IL1RAPL2: variants seen among roughly 807,000 people sequenced by gnomAD.
The protein encoded by IL1RAPL2 is X-linked interleukin-1 receptor accessory protein-like 2.
IL1RAPL2 carries 3 observed loss-of-function variants against 44.1 expected under a neutral mutation model. The observed-to-expected ratio is 0.07, with a 90% CI of 0.03 to 0.18. The LOEUF is 0.18. IL1RAPL2 is among the 10% of genes least tolerant of loss of function. IL1RAPL2 has a pLI of 1.00. For missense variants in IL1RAPL2, 391 were observed against 496.4 expected (o/e 0.79, Z 2.02); for synonymous variants, 181 against 178.8 (o/e 1.01, Z -0.10).
intron 2 of IL1RAPL2, among the ~76,000 whole-genome samples, chrX:104,955,832 C>T (rs1246012990): frequency 2.7e-5 from 3 of 110,633 alleles, no homozygotes; most frequent in Admixed American, 9.7e-5. Flanking sequence ...TGCCAAACAG[C>T]GCATCATCAA....
chrX:105,228,733 G>A (rs2034040629), intron 3 of IL1RAPL2, among the ~76,000 whole-genome samples: 1 of 112,021 alleles, frequency 8.9e-6, no homozygotes, highest in Admixed American at 9.5e-5. Context: ...ATAACCACAA[G>A]TTAGTTTGAC....
intron 5 of IL1RAPL2, among the ~76,000 whole-genome samples, chrX:105,324,488 G>A (rs983012180): frequency 3.9e-4 from 43 of 111,674 alleles, no homozygotes; most frequent in African/African-American, 1.3e-3. Context: ...AAATCCTGTA[G>A]CATGCTATCT....
chrX:104,647,175 G>C, intron 1 of IL1RAPL2: 1 of 305,602 alleles, frequency 3.3e-6, no homozygotes, highest in Non-Finnish European at 6.1e-6. Context: ...TAGTCAGCCT[G>C]CAGAGGTGCA....
intron 2 of IL1RAPL2, among the ~76,000 whole-genome samples, chrX:104,887,938 A>T (rs540444734): frequency 9.0e-6 from 1 of 111,695 alleles, no homozygotes; most frequent in East Asian, 2.8e-4. Flanking sequence ...CGAGCCTTAG[A>T]ACTGCGAAAG....
chrX:104,801,728 A>AAAG (rs1932886423), intron 2 of IL1RAPL2, among the ~76,000 whole-genome samples: 1 of 111,515 alleles, frequency 9.0e-6, no homozygotes, highest in African/African-American at 3.3e-5. Context: ...GAATAGCTGA[A>AAAG]TTCAGTTTCA....
chrX:104,986,684 T>C (rs12559257), intron 2 of IL1RAPL2, among the ~76,000 whole-genome samples: 3,892 of 112,292 alleles, frequency 0.035, 72 homozygotes, highest in Admixed American at 0.052. Context: ...CTAAGTAATA[T>C]AAGTTGAATA....
intron 2 of IL1RAPL2, among the ~76,000 whole-genome samples, chrX:105,139,248 TTTG>T (rs773036322): frequency 7.1e-5 from 8 of 111,983 alleles, no homozygotes; most frequent in African/African-American, 2.3e-4. Context: ...AAGTGCCAAG[TTTG>T]TTGTTGTTGT....
At chrX:104,942,104 C>T (rs1416942027) in intron 2 of IL1RAPL2, among the ~76,000 whole-genome samples, 3 of 111,629 alleles carry the variant, frequency 2.7e-5, no homozygotes, top group African/African-American at 9.8e-5. Flanking sequence ...TTACTGTAGC[C>T]TTGTAGTATA....
chrX:105,689,903 T>A (rs1476012752), intron 6 of IL1RAPL2, among the ~76,000 whole-genome samples: 3 of 111,518 alleles, frequency 2.7e-5, no homozygotes, highest in African/African-American at 9.8e-5. Flanking sequence ...AAGGGATGAG[T>A]TTATGTCCTT....
intron 2 of IL1RAPL2, among the ~76,000 whole-genome samples, chrX:104,715,574 A>G (rs1019987345): frequency 1.3e-4 from 14 of 109,364 alleles, no homozygotes; most frequent in Non-Finnish European, 2.7e-4. Flanking sequence ...CAACTTCACA[A>G]AGTCTCAGGA....
At chrX:104,791,813 C>T (rs1932827669) in intron 2 of IL1RAPL2, among the ~76,000 whole-genome samples, 1 of 111,494 alleles carries the variant, frequency 9.0e-6, no homozygotes, top group Non-Finnish European at 1.9e-5. Flanking sequence ...CTAAAAGAGA[C>T]CATAGAACTA....
At chrX:105,183,671 G>A (rs930123094) in intron 2 of IL1RAPL2, among the ~76,000 whole-genome samples, 22 of 111,610 alleles carry the variant, frequency 2.0e-4, no homozygotes, top group African/African-American at 6.2e-4. Context: ...TGTCCCAGGG[G>A]CAGTCTCCCT....
At chrX:105,178,977 G>C (rs1267671738) in intron 2 of IL1RAPL2, among the ~76,000 whole-genome samples, 1 of 111,561 alleles carries the variant, frequency 9.0e-6, no homozygotes, top group Non-Finnish European at 1.9e-5. Flanking sequence ...TACTTCTACT[G>C]TGAAGGAGTT....
chrX:105,158,912 A>T (rs1470049481), intron 2 of IL1RAPL2, among the ~76,000 whole-genome samples: 1 of 111,356 alleles, frequency 9.0e-6, no homozygotes, highest in Non-Finnish European at 1.9e-5. Context: ...ACTTGCCCTC[A>T]TCACCTTGCT....
At chrX:105,048,179 C>T (rs775026814) in intron 2 of IL1RAPL2, among the ~76,000 whole-genome samples, 23 of 111,723 alleles carry the variant, frequency 2.1e-4, no homozygotes, top group Non-Finnish European at 3.6e-4. Flanking sequence ...CAAGTTGGTT[C>T]CTCAAAAGAT....
intron 2 of IL1RAPL2, among the ~76,000 whole-genome samples, chrX:104,872,958 C>A (rs1922804904): frequency 9.0e-6 from 1 of 110,926 alleles, no homozygotes; most frequent in Non-Finnish European, 1.9e-5. Context: ...ATCCAAGCAA[C>A]CAGAGATAGC....
At chrX:104,852,477 G>T (rs2147642828) in intron 2 of IL1RAPL2, among the ~76,000 whole-genome samples, 1 of 111,872 alleles carries the variant, frequency 8.9e-6, no homozygotes, top group South Asian at 3.7e-4. Flanking sequence ...TTTTGCATGA[G>T]AATCCTCCCT....
At position 105,418,287 on chromosome X, in the gene IL1RAPL2, G is replaced by GA. The variant is rs1191950377; in HGVS notation, c.698-66019dup. Among the ~76,000 whole-genome samples, 20 of 110,828 alleles carry GA rather than the reference G, an allele frequency of 1.8e-4. No individual in the cohort carries two copies. The Admixed American group carries it at 1.9e-3, about 11-fold the overall frequency. ...GTGACAAATACCCTAAAAGAAGTGGGAAAAAAACTGATATATGATTGTTAT... is the reference window on the plus strand; with the variant it reads ...GTGACAAATACCCTAAAAGAAGTGGGAAAAAAAACTGATATATGATTGTTAT... On this transcript the variant is annotated intron_variant, in intron 5 of 10. Coordinates refer to ENST00000372582, the MANE Select transcript of IL1RAPL2 (RefSeq NM_017416.2).
intron 5 of IL1RAPL2, among the ~76,000 whole-genome samples, chrX:105,468,106 G>C (rs778466864): frequency 3.6e-5 from 4 of 111,911 alleles, no homozygotes; most frequent in South Asian, 7.4e-4. Flanking sequence ...CATACAAAAC[G>C]CTAGCACGTG....
Sources: gnomAD v4.1 joint callset for allele counts (sites outside exome capture counted in the v4.1 genomes callset) on GRCh38, gnomAD v4.1.1 for gene constraint, MANE v1.5 for transcripts, NCBI Gene and HGNC (gene_info 2026-07-23, HGNC 2026-07-21) for gene names.